IL1RAPL1: variants seen among roughly 807,000 people sequenced by gnomAD.
IL1RAPL1 encodes interleukin 1 receptor accessory protein like 1.
In IL1RAPL1, 3 loss-of-function variants were observed where a neutral mutation model predicts 48.4. The observed-to-expected ratio is 0.06, with a 90% CI of 0.03 to 0.16. The LOEUF (loss-of-function observed/expected upper bound fraction) is 0.16. Ranked by LOEUF, IL1RAPL1 falls within the 10% of genes least tolerant of loss-of-function variation. The pLI, the probability that IL1RAPL1 is intolerant of heterozygous loss-of-function variation, is 1.00. For missense variants in IL1RAPL1, 349 were observed against 530.6 expected, an observed-to-expected ratio of 0.66 and a Z score of 3.36; for synonymous variants, 185 against 187.7, an observed-to-expected ratio of 0.99 and a Z score of 0.12.
chrX:28,981,444 A>G (rs1204279788), intron 2 of IL1RAPL1, among the ~76,000 whole-genome samples: 1 of 111,428 alleles, frequency 9.0e-6, no homozygotes, highest in Non-Finnish European at 1.9e-5. Flanking sequence ...CTATTATGCC[A>G]TACTACCTCT....
At chrX:29,723,390 A>G (rs1054597828) in intron 6 of IL1RAPL1, among the ~76,000 whole-genome samples, 4 of 111,833 alleles carry the variant, frequency 3.6e-5, no homozygotes, top group Non-Finnish European at 7.5e-5. Flanking sequence ...CTGGGATTAC[A>G]GGCACTCGCC....
chrX:28,802,647 T>C (rs1028061197), intron 2 of IL1RAPL1, among the ~76,000 whole-genome samples: 10 of 112,313 alleles, frequency 8.9e-5, no homozygotes, highest in African/African-American at 2.6e-4. Flanking sequence ...TTGTAAATAG[T>C]AAAGAAAAAT....
chrX:29,133,478 T>A (rs7892538), intron 2 of IL1RAPL1, among the ~76,000 whole-genome samples: 30,688 of 110,526 alleles, frequency 0.28, 3,917 homozygotes, highest in African/African-American at 0.49. Context: ...ATTTGAGTAG[T>A]TACTATGCTT....
At chrX:29,551,179 G>A (rs906231075) in intron 5 of IL1RAPL1, among the ~76,000 whole-genome samples, 4 of 112,023 alleles carry the variant, frequency 3.6e-5, no homozygotes, top group African/African-American at 6.5e-5. Flanking sequence ...ATTCCATTGC[G>A]TATATATACA....
intron 2 of IL1RAPL1, among the ~76,000 whole-genome samples, chrX:28,841,583 G>A (rs1245238129): frequency 9.0e-6 from 1 of 110,777 alleles, no homozygotes; most frequent in Non-Finnish European, 1.9e-5. Context: ...GAGAGAAATT[G>A]CAATGAAATT....
rs781227437 is a variant in IL1RAPL1 at position 29,646,557 on chromosome X, AC to A, written c.704-21872del. Among the ~76,000 whole-genome samples, 17 of 111,552 alleles carry A rather than the reference AC, an allele frequency of 1.5e-4. No individual in the cohort carries two copies. In the South Asian group the frequency reaches 5.2e-3, roughly 34 times the overall value. On this transcript the variant is annotated intron_variant, in intron 5 of 10. Coordinates refer to ENST00000378993, the MANE Select transcript of IL1RAPL1 (RefSeq NM_014271.4). ...TTATTTAAAGAAAGAAAAGCAGAAA[AC>A]TGTCAAATCTGCAGAAAGATATAAA...
At chrX:29,453,679 C>T (rs1020643435) in intron 5 of IL1RAPL1, among the ~76,000 whole-genome samples, 3 of 111,476 alleles carry the variant, frequency 2.7e-5, no homozygotes, top group South Asian at 3.8e-4. Context: ...GCCCTACCTT[C>T]GGAGACTCTT....
chrX:29,952,358 G>A (rs948293279), intron 9 of IL1RAPL1, among the ~76,000 whole-genome samples: 3 of 111,375 alleles, frequency 2.7e-5, no homozygotes, highest in African/African-American at 9.8e-5. Context: ...TCCACAATCT[G>A]GCCTGAGGAG....
intron 2 of IL1RAPL1, among the ~76,000 whole-genome samples, chrX:29,137,013 T>C (rs1431819279): frequency 9.0e-6 from 1 of 111,254 alleles, no homozygotes; most frequent in Non-Finnish European, 1.9e-5. Flanking sequence ...TACTAGGCTA[T>C]GTGAAAGAAG....
chrX:28,601,964 A>C (rs1010636023), intron 1 of IL1RAPL1, among the ~76,000 whole-genome samples: 1 of 109,116 alleles, frequency 9.2e-6, no homozygotes, highest in Non-Finnish European at 1.9e-5. Context: ...AATTAGCCAG[A>C]CGTGGTGGCG....
intron 2 of IL1RAPL1, among the ~76,000 whole-genome samples, chrX:28,797,399 T>C (rs1273552264): frequency 2.7e-5 from 3 of 111,706 alleles, no homozygotes; most frequent in Non-Finnish European, 1.9e-5. Context: ...GCTTCCCTCA[T>C]AAAACTGAAT....
At chrX:29,684,873 C>T (rs890658894) in intron 6 of IL1RAPL1, among the ~76,000 whole-genome samples, 1 of 112,323 alleles carries the variant, frequency 8.9e-6, no homozygotes, top group Non-Finnish European at 1.9e-5. Flanking sequence ...GGTCTCATTT[C>T]ACTTCTTGAA....
intron 2 of IL1RAPL1, among the ~76,000 whole-genome samples, chrX:28,828,085 T>A (rs759868674): frequency 8.9e-6 from 1 of 111,977 alleles, no homozygotes; most frequent in South Asian, 3.6e-4. Flanking sequence ...TAGAGCTACA[T>A]CCTGGTTTCA....
chrX:29,780,726 C>T (rs1929318498), intron 6 of IL1RAPL1, among the ~76,000 whole-genome samples: 1 of 111,390 alleles, frequency 9.0e-6, no homozygotes, highest in South Asian at 3.8e-4. Context: ...TCACAGATTA[C>T]AGAATGCCTC....
intron 2 of IL1RAPL1, among the ~76,000 whole-genome samples, chrX:29,212,345 G>T (rs1179811770): frequency 1.8e-5 from 2 of 111,023 alleles, no homozygotes; most frequent in Non-Finnish European, 1.9e-5. Flanking sequence ...GTCTCACCCT[G>T]TCACCCAAGC....
chrX:29,692,830 G>T (rs1926808372), intron 6 of IL1RAPL1, among the ~76,000 whole-genome samples: 1 of 111,637 alleles, frequency 9.0e-6, no homozygotes, highest in African/African-American at 3.3e-5. Flanking sequence ...AAAAGTGCTT[G>T]GTAATTCTTA....
chrX:29,306,483 C>T (rs1428967496), intron 3 of IL1RAPL1, among the ~76,000 whole-genome samples: 36 of 84,932 alleles, frequency 4.2e-4, no homozygotes, highest in African/African-American at 1.7e-3. Flanking sequence ...AAGCCAAGAT[C>T]GTGCCACTGC....
At chrX:29,753,368 C>T (rs1260547002) in intron 6 of IL1RAPL1, among the ~76,000 whole-genome samples, 1 of 111,452 alleles carries the variant, frequency 9.0e-6, no homozygotes, top group Admixed American at 9.6e-5. Context: ...CATACACTCA[C>T]CCAACATTTA....
chrX:28,614,896 TG>T (rs1428395257), intron 1 of IL1RAPL1, among the ~76,000 whole-genome samples: 3 of 111,002 alleles, frequency 2.7e-5, no homozygotes, highest in Non-Finnish European at 5.7e-5. Context: ...TTTTGTTTTT[TG>T]TTTTTTTTCG....
Sources: gnomAD v4.1 joint callset for allele counts (sites outside exome capture counted in the v4.1 genomes callset) on GRCh38, gnomAD v4.1.1 for gene constraint, MANE v1.5 for transcripts, NCBI Gene and HGNC (gene_info 2026-07-23, HGNC 2026-07-21) for gene names.